PRKX: variants seen among roughly 807,000 people sequenced by gnomAD.
The protein encoded by PRKX is protein kinase cAMP-dependent X-linked catalytic subunit.
In PRKX, 12 loss-of-function variants were observed where a neutral mutation model predicts 22.0. The ratio of observed to expected loss-of-function variants is 0.54; its 90% CI spans 0.35 to 0.88. The LOEUF (loss-of-function observed/expected upper bound fraction) is 0.88. PRKX is among the 40% of genes least tolerant of loss of function. The pLI is 0.01. For synonymous variants in PRKX, 134 were observed against 137.7 expected (o/e 0.97, Z 0.19); for missense variants, 217 against 308.0 (o/e 0.70, Z 2.21).
intron 7 of PRKX, among the ~76,000 whole-genome samples, chrX:3,615,011 ATTTTTTTT>A (rs761643511): frequency 2.0e-4 from 12 of 59,753 alleles, no homozygotes; most frequent in Non-Finnish European, 3.4e-4. Context: ...AAAATGCCAG[ATTTTTTTT>A]TTTTTTTTTT....
At chrX:3,700,103 G>A (rs1928526868) in intron 1 of PRKX, among the ~76,000 whole-genome samples, 1 of 111,891 alleles carries the variant, frequency 8.9e-6, no homozygotes, top group Non-Finnish European at 1.9e-5. Flanking sequence ...CCAAAATTAG[G>A]CGGTGACCTT....
chrX:3,673,219 G>C (rs907038793), intron 2 of PRKX, among the ~76,000 whole-genome samples: 3 of 110,858 alleles, frequency 2.7e-5, no homozygotes, highest in African/African-American at 9.8e-5. Flanking sequence ...TCTTAGATGG[G>C]GGAAGTGAAG....
At chrX:3,675,110 C>T (rs1327753672) in intron 1 of PRKX, among the ~76,000 whole-genome samples, 2 of 111,831 alleles carry the variant, frequency 1.8e-5, no homozygotes, top group East Asian at 5.6e-4. Context: ...GCCCCACACA[C>T]CCACATGGAG....
At chrX:3,646,363 C>T (rs964807742) in intron 3 of PRKX, among the ~76,000 whole-genome samples, 20 of 111,980 alleles carry the variant, frequency 1.8e-4, no homozygotes, top group Non-Finnish European at 2.6e-4. Flanking sequence ...GTCCCTCTTA[C>T]GTCCTAGCAG....
intron 1 of PRKX, among the ~76,000 whole-genome samples, chrX:3,676,645 C>T (rs1363976690): frequency 8.9e-6 from 1 of 112,025 alleles, no homozygotes; most frequent in Non-Finnish European, 1.9e-5. Context: ...CACAGAAAAA[C>T]AAATATTAAA....
At chrX:3,651,728 G>A (rs1009696461) in intron 3 of PRKX, among the ~76,000 whole-genome samples, 3 of 111,383 alleles carry the variant, frequency 2.7e-5, no homozygotes, top group Admixed American at 9.6e-5. Flanking sequence ...TATAATTAGT[G>A]TAATTATCAC....
Position 3,621,271 on chromosome X carries a change from T to C in PRKX, c.861A>G (p.Leu287=). 8.3e-7 allele frequency: 1 copy of C among 1,208,688 alleles called. No individual in the cohort carries two copies. Among genetic ancestry groups the C allele is most frequent in the Admixed American group, 2.2e-5 (1 of 45,823 alleles). ...KLLVVDRTRR[L]GNMKNGANDV... is the part of the protein sequence containing the mutation. The stretch of plus-strand genomic sequence containing the variant: ...ATCAAATACTGACCTTCATGTTTCC[T>C]AATCGCCTTGTTCTGTCAACCACGA... Residue 287 remains leucine, a synonymous_variant, in exon 6 of 9, where the codon TTA becomes TTG. Coordinates refer to ENST00000262848, the MANE Select transcript of PRKX (RefSeq NM_005044.5).
chrX:3,709,993 G>A (rs1053876743), intron 1 of PRKX, among the ~76,000 whole-genome samples: 2 of 108,052 alleles, frequency 1.9e-5, no homozygotes, highest in Non-Finnish European at 3.8e-5. Context: ...TCACTATATT[G>A]CCCAGGCTGG....
chrX:3,712,383 G>A (rs907277612), intron 1 of PRKX, among the ~76,000 whole-genome samples: 13 of 111,980 alleles, frequency 1.2e-4, no homozygotes, highest in Admixed American at 7.6e-4. Flanking sequence ...CCGGATGCAA[G>A]AGCACCGAGA....
At chrX:3,648,633 T>C (rs1255694294) in intron 3 of PRKX, among the ~76,000 whole-genome samples, 2 of 105,472 alleles carry the variant, frequency 1.9e-5, no homozygotes, top group African/African-American at 7.0e-5. Context: ...TGTGTGTGTG[T>C]GTGTGTGTGT....
At chrX:3,632,903 G>C (rs1926813614) in intron 4 of PRKX, among the ~76,000 whole-genome samples, 1 of 112,582 alleles carries the variant, frequency 8.9e-6, no homozygotes, top group Admixed American at 9.4e-5. Context: ...ATGAATGCAA[G>C]CTCCAGATTT....
chrX:3,639,768 G>A (rs971345312), intron 4 of PRKX, among the ~76,000 whole-genome samples: 10 of 110,823 alleles, frequency 9.0e-5, no homozygotes, highest in African/African-American at 3.3e-4. Context: ...GTTCAACATC[G>A]TTCTGATCCC....
intron 1 of PRKX, among the ~76,000 whole-genome samples, chrX:3,702,327 T>C (rs1273957350): frequency 8.8e-6 from 1 of 113,149 alleles, no homozygotes; most frequent in African/African-American, 3.2e-5. Flanking sequence ...GCAACCCTTT[T>C]GTTCTGCAAA....
rs140018859 is a variant in PRKX at position 3,620,856 on chromosome X, T to C, written c.873+403A>G. On this transcript the variant is annotated intron_variant, in intron 6 of 8. Transcript: ENST00000262848. ...ACAGGGGTGGCTGTACATAATCGTGTGTATACTAAAAGCCACCGAATTGCA... is the reference window on the plus strand; with the variant it reads ...ACAGGGGTGGCTGTACATAATCGTGCGTATACTAAAAGCCACCGAATTGCA... Among the ~76,000 whole-genome samples, 252 of 112,006 alleles carry C rather than the reference T, an allele frequency of 2.2e-3. 1 individual carries two copies. Among genetic ancestry groups the C allele is most frequent in the African/African-American group, 6.7e-3 (207 of 30,887 alleles).
intron 1 of PRKX, 100 bp downstream of exon 1, chrX:3,712,988 C>T: frequency 1.0e-6 from 1 of 973,797 alleles, no homozygotes; most frequent in Non-Finnish European, 1.3e-6. Context: ...GGGTCAGGGC[C>T]CTCCCCAGGA....
At chrX:3,628,825 T>G (rs1032302451) in intron 4 of PRKX, among the ~76,000 whole-genome samples, 12 of 111,232 alleles carry the variant, frequency 1.1e-4, no homozygotes, top group African/African-American at 3.6e-4. Context: ...CAGGTCACTT[T>G]AGGTCAGGAG....
intron 1 of PRKX, among the ~76,000 whole-genome samples, chrX:3,709,877 C>A (rs984550734): frequency 1.8e-5 from 2 of 110,574 alleles, no homozygotes; most frequent in African/African-American, 3.3e-5. Context: ...CAGCCTTGAC[C>A]TCCTGGGCTC....
intron 1 of PRKX, among the ~76,000 whole-genome samples, chrX:3,678,011 G>A (rs1927999577): frequency 8.9e-6 from 1 of 112,000 alleles, no homozygotes; most frequent in South Asian, 3.7e-4. Flanking sequence ...GGTGGAATCA[G>A]GTCAAAGACA....
intron 3 of PRKX, among the ~76,000 whole-genome samples, chrX:3,642,717 G>C (rs1291319658): frequency 2.7e-5 from 3 of 109,901 alleles, no homozygotes; most frequent in Non-Finnish European, 5.7e-5. Context: ...AACTCGCTTA[G>C]GCCGGGCATG....
Sources: gnomAD v4.1 joint callset for allele counts (sites outside exome capture counted in the v4.1 genomes callset) on GRCh38, gnomAD v4.1.1 for gene constraint, MANE v1.5 for transcripts, NCBI Gene and HGNC (gene_info 2026-07-23, HGNC 2026-07-21) for gene names.